PCDHA12: variants seen among roughly 807,000 people sequenced by gnomAD.
PCDHA12 encodes the protein protocadherin alpha 12.
A neutral mutation model predicts 60.0 loss-of-function variants in PCDHA12; 44 were observed. The ratio of observed to expected loss-of-function variants is 0.73; its 90% CI spans 0.58 to 0.94. PCDHA12 has a LOEUF of 0.94. Ranked by LOEUF, PCDHA12 falls within the 40% of genes least tolerant of loss-of-function variation. PCDHA12 has a pLI of 0.00. For missense variants in PCDHA12, 1,276 were observed against 1,239.7 expected (o/e 1.03, Z -0.44); for synonymous variants, 569 against 553.0 (o/e 1.03, Z -0.40).
intron 1 of PCDHA12, chr5:140,967,776 C>T: frequency 1.2e-6 from 2 of 1,614,148 alleles, no homozygotes; most frequent in East Asian, 2.2e-5. Flanking sequence ...TATGTGCAGG[C>T]GACTGACCGG....
chr5:140,967,057 AGC>A, intron 1 of PCDHA12: 1 of 1,612,704 alleles, frequency 6.2e-7, no homozygotes, highest in Non-Finnish European at 8.5e-7. Context: ...TGACGAGTGG[AGC>A]GCTCTTCGTC....
chr5:140,985,619 G>C (rs961379624), intron 3 of PCDHA12, among the ~76,000 whole-genome samples: 2 of 152,064 alleles, frequency 1.3e-5, no homozygotes, highest in African/African-American at 2.4e-5. Context: ...TGAACCAGCT[G>C]TGTATTGCTC....
At chr5:140,974,865 G>A (rs1042029401) in intron 1 of PCDHA12, among the ~76,000 whole-genome samples, 7 of 152,026 alleles carry the variant, frequency 4.6e-5, no homozygotes, top group African/African-American at 1.4e-4. Context: ...GCCTTAATGC[G>A]GAACAGTCTA....
chr5:140,918,003 T>A (rs1223893662), intron 1 of PCDHA12, among the ~76,000 whole-genome samples: 1 of 152,216 alleles, frequency 6.6e-6, no homozygotes, highest in African/African-American at 2.4e-5. Flanking sequence ...ATCTTAACAA[T>A]GTTGTTTCTT....
intron 2 of PCDHA12, among the ~76,000 whole-genome samples, chr5:140,982,082 C>G (rs188673632): frequency 6.6e-6 from 1 of 152,276 alleles, no homozygotes; most frequent in Admixed American, 6.5e-5. Flanking sequence ...AGTAGAGAAC[C>G]TAGGAACAAG....
At chr5:140,981,665 CCTTT>C (rs1170982670) in intron 2 of PCDHA12, among the ~76,000 whole-genome samples, 2 of 152,092 alleles carry the variant, frequency 1.3e-5, no homozygotes, top group Non-Finnish European at 2.9e-5. Flanking sequence ...TTTCTTCCTT[CCTTT>C]CTTCCTTCCT....
chr5:140,943,131 G>T (rs1360196674), intron 1 of PCDHA12, among the ~76,000 whole-genome samples: 1 of 151,626 alleles, frequency 6.6e-6, no homozygotes, highest in Non-Finnish European at 1.5e-5. Flanking sequence ...GGTAGTGGGT[G>T]CCTGTAGTCC....
At position 141,010,114 on chromosome 5, in the gene PCDHA12, G is replaced by A. The variant is rs2098416092; in HGVS notation, c.*177G>A. Reference sequence around the variant, plus strand: ...GCATTTAACAGGTTTTGTCGTAAAAGCTTTACTAAGTCTGGTGTTAACTCT... The same window carrying A: ...GCATTTAACAGGTTTTGTCGTAAAAACTTTACTAAGTCTGGTGTTAACTCT... On this transcript the variant is annotated 3_prime_UTR_variant, in exon 4 of 4. Transcript: ENST00000398631. The A allele has an allele frequency of 1.2e-6, 2 of 1,609,716 alleles. No homozygotes were observed. Among genetic ancestry groups the A allele is most frequent in the Non-Finnish European group, 1.7e-6 (2 of 1,177,682 alleles).
rs1005130215 is a variant in PCDHA12 at position 140,976,643 on chromosome 5, A to G, written c.2368-2306A>G. On this transcript the variant is annotated intron_variant, in intron 1 of 3. Coordinates refer to ENST00000398631, the MANE Select transcript of PCDHA12 (RefSeq NM_018903.4). ...AGCTGAACTCAGCAATCAGACAAGT[A>G]ATTTAATCTCTCCAAAGTTCAGATG... Among the ~76,000 whole-genome samples the G allele has an allele frequency of 2.0e-5, 3 of 152,236 alleles. No homozygotes were observed. In the South Asian group the frequency reaches 6.2e-4, roughly 31 times the overall value.
At chr5:140,984,547 C>T (rs1554246370) in intron 3 of PCDHA12, among the ~76,000 whole-genome samples, 2 of 152,118 alleles carry the variant, frequency 1.3e-5, no homozygotes, top group Non-Finnish European at 2.9e-5. Context: ...CTGGATAGAG[C>T]TTACATCTTC....
At chr5:140,974,712 G>C (rs999445044) in intron 1 of PCDHA12, among the ~76,000 whole-genome samples, 1 of 152,076 alleles carries the variant, frequency 6.6e-6, no homozygotes, top group African/African-American at 2.4e-5. Flanking sequence ...TGTTGTTCAA[G>C]CTGCTCTCGA....
intron 1 of PCDHA12, among the ~76,000 whole-genome samples, chr5:140,965,088 G>A (rs1390840466): frequency 4.6e-5 from 7 of 152,196 alleles, no homozygotes; most frequent in Non-Finnish European, 8.8e-5. Context: ...CTTTGTTCCA[G>A]TCCATAGCTA....
At chr5:140,915,083 C>G (rs2076973100) in intron 1 of PCDHA12, among the ~76,000 whole-genome samples, 1 of 151,628 alleles carries the variant, frequency 6.6e-6, no homozygotes, top group African/African-American at 2.4e-5. Flanking sequence ...GTAGCTGGGA[C>G]TATGGGCACG....
chr5:140,986,373 G>A (rs376031401), intron 3 of PCDHA12, among the ~76,000 whole-genome samples: 26 of 152,280 alleles, frequency 1.7e-4, no homozygotes, highest in South Asian at 4.1e-4. Context: ...TGCGTTTTGG[G>A]GGGAGGGACA....
intron 1 of PCDHA12, among the ~76,000 whole-genome samples, chr5:140,978,710 A>G (rs576055391): frequency 1.3e-5 from 2 of 152,378 alleles, no homozygotes; most frequent in East Asian, 3.9e-4. Flanking sequence ...GGTGGCCTTT[A>G]CAAGATTATT....
chr5:140,962,554 C>T lies in PCDHA12; in HGVS notation c.2368-16395C>T, dbSNP rs567554880. ...TTAGAACTAAAAATGTAGAGGATCTCCCCCTAAAAGCCAATTGTTAATGCC... is the reference window on the plus strand; with the variant it reads ...TTAGAACTAAAAATGTAGAGGATCTTCCCCTAAAAGCCAATTGTTAATGCC... On this transcript the variant is annotated intron_variant, in intron 1 of 3. Transcript: ENST00000398631. 3.9e-5 allele frequency among the ~76,000 whole-genome samples: 6 copies of T among 152,284 alleles called. No individual in the cohort carries two copies. The South Asian group carries it at 1.2e-3, about 32-fold the overall frequency.
chr5:140,908,824 C>T (rs1199416548), intron 1 of PCDHA12, among the ~76,000 whole-genome samples: 1 of 152,082 alleles, frequency 6.6e-6, no homozygotes, highest in African/African-American at 2.4e-5. Flanking sequence ...TTGGGTTACT[C>T]GATAAATGGG....
At chr5:140,930,208 A>G (rs939593947) in intron 1 of PCDHA12, 39 of 152,338 alleles carry the variant, frequency 2.6e-4, no homozygotes, top group African/African-American at 8.2e-4. Flanking sequence ...AGAAATATTT[A>G]TGTGTTCAAA....
At chr5:140,946,456 G>A (rs1554217589) in intron 1 of PCDHA12, among the ~76,000 whole-genome samples, 1 of 151,574 alleles carries the variant, frequency 6.6e-6, no homozygotes, top group African/African-American at 2.4e-5. Flanking sequence ...CAACTATCCA[G>A]CAATCCCACT....
Sources: gnomAD v4.1 joint callset for allele counts (sites outside exome capture counted in the v4.1 genomes callset) on GRCh38, gnomAD v4.1.1 for gene constraint, MANE v1.5 for transcripts, NCBI Gene and HGNC (gene_info 2026-07-23, HGNC 2026-07-21) for gene names.